The following FOXP1 variants were observed in gnomAD, a reference collection of about 807,000 sequenced individuals.
FOXP1 encodes forkhead box P1, also known as forkhead box protein P1.
FOXP1 carries 15 observed loss-of-function variants against 98.2 expected under a neutral mutation model. The observed-to-expected ratio is 0.15, with a 90% CI of 0.10 to 0.24. FOXP1 has a LOEUF of 0.24. Ranked by LOEUF, FOXP1 falls within the 10% of genes least tolerant of loss-of-function variation. The probability of loss-of-function intolerance (pLI) is 1.00; values close to 1 mark genes in which losing one functional copy is unlikely to be tolerated. For synonymous variants in FOXP1, 371 were observed against 314.5 expected (o/e 1.18, Z -1.90); for missense variants, 633 against 848.5 (o/e 0.75, Z 3.15).
chr3:71,077,989 C>T (rs1576618491), intron 7 of FOXP1, among the ~76,000 whole-genome samples: 1 of 152,120 alleles, frequency 6.6e-6, no homozygotes, highest in African/African-American at 2.4e-5. Flanking sequence ...CGCGCCATCA[C>T]GCTTGGCTAA....
At chr3:71,480,144 G>A (rs1364279276) in intron 3 of FOXP1, among the ~76,000 whole-genome samples, 4 of 152,116 alleles carry the variant, frequency 2.6e-5, no homozygotes, top group South Asian at 2.1e-4. Context: ...AGAGAAGATC[G>A]CGCCACTGCA....
intron 10 of FOXP1, among the ~76,000 whole-genome samples, chr3:71,045,392 T>C (rs971261393): frequency 2.0e-5 from 3 of 152,178 alleles, no homozygotes; most frequent in Non-Finnish European, 4.4e-5. Flanking sequence ...ACTATAACAA[T>C]GAACCTTAGT....
intron 13 of FOXP1, among the ~76,000 whole-genome samples, chr3:70,994,729 C>G (rs2041121761): frequency 6.6e-6 from 1 of 152,210 alleles, no homozygotes; most frequent in African/African-American, 2.4e-5. Flanking sequence ...ACCTCCACCC[C>G]CGTCGCCTGC....
In FOXP1 at chr3:71,226,515, G is replaced by T. The variant is rs543309897; in HGVS notation, c.-11-28123C>A. Among the ~76,000 whole-genome samples, 6 of 151,914 alleles carry T rather than the reference G, an allele frequency of 3.9e-5. No homozygotes were observed. The East Asian group carries it at 1.2e-3, about 30-fold the overall frequency. On this transcript the variant is annotated intron_variant, in intron 5 of 20. Coordinates refer to ENST00000649528, the MANE Select transcript of FOXP1 (RefSeq NM_001349338.3). ...TCTTCCAGGCACAAGTGATGGCAGG[G>T]TCTACTCTGGGGGTCCCTATTGCTT...
At chr3:71,074,186 C>T (rs571986569) in intron 7 of FOXP1, among the ~76,000 whole-genome samples, 1 of 152,100 alleles carries the variant, frequency 6.6e-6, no homozygotes, top group South Asian at 2.1e-4. Flanking sequence ...ATTATTGTGC[C>T]CACTTAACAG....
intron 17 of FOXP1, among the ~76,000 whole-genome samples, chr3:70,974,246 T>G (rs1230775017): frequency 6.6e-6 from 1 of 152,104 alleles, no homozygotes; most frequent in Non-Finnish European, 1.5e-5. Context: ...GTCATACACT[T>G]GATAGGACAA....
intron 3 of FOXP1, among the ~76,000 whole-genome samples, chr3:71,435,028 T>C (rs1398683218): frequency 1.3e-5 from 2 of 151,548 alleles, no homozygotes; most frequent in East Asian, 4.0e-4. Context: ...TTACGGCATG[T>C]CGTCAGTTCT....
chr3:71,126,538 C>A (rs1203844933), intron 6 of FOXP1, among the ~76,000 whole-genome samples: 1 of 150,762 alleles, frequency 6.6e-6, no homozygotes, highest in East Asian at 2.0e-4. Flanking sequence ...AAGAAATTTT[C>A]TTGGGCCAAG....
chr3:71,144,826 G>GTTGTA (rs1361234968), intron 6 of FOXP1, among the ~76,000 whole-genome samples: 6 of 152,268 alleles, frequency 3.9e-5, no homozygotes, highest in Admixed American at 2.6e-4. Flanking sequence ...GTGCCAACCT[G>GTTGTA]TTGTAATCAC....
At chr3:71,050,722 CCTT>C (rs1430640725) in intron 9 of FOXP1, among the ~76,000 whole-genome samples, 2 of 152,160 alleles carry the variant, frequency 1.3e-5, no homozygotes, top group African/African-American at 4.8e-5. Context: ...CCTTCATACC[CCTT>C]CTTTTTTCTG....
At chr3:70,963,808 C>T (rs1031096779) in intron 20 of FOXP1, among the ~76,000 whole-genome samples, 1 of 152,184 alleles carries the variant, frequency 6.6e-6, no homozygotes, top group Non-Finnish European at 1.5e-5. Context: ...TATGTGACCA[C>T]TTTCTAGTGT....
chr3:71,563,836 T>C (rs531905274), intron 2 of FOXP1, among the ~76,000 whole-genome samples: 1 of 152,288 alleles, frequency 6.6e-6, no homozygotes, highest in African/African-American at 2.4e-5. Context: ...CAACACTGTC[T>C]CAAAAAATGA....
chr3:71,397,008 GTATATATATATATATACATATATA>G (rs1560425015), intron 3 of FOXP1, among the ~76,000 whole-genome samples: 1,100 of 20,290 alleles, frequency 0.054, 261 homozygotes, highest in African/African-American at 0.17. Flanking sequence ...ATATATATGT[GTATATATATATATATACATATATA>G]TGTGTATATA....
At chr3:71,246,811 G>A (rs1041529258) in intron 5 of FOXP1, among the ~76,000 whole-genome samples, 9 of 152,134 alleles carry the variant, frequency 5.9e-5, no homozygotes, top group African/African-American at 7.2e-5. Flanking sequence ...ACTCTTCATC[G>A]TATAGACAAT....
chr3:71,147,783 C>T (rs930803836), intron 6 of FOXP1, among the ~76,000 whole-genome samples: 5 of 151,956 alleles, frequency 3.3e-5, no homozygotes, highest in Non-Finnish European at 7.4e-5. Context: ...CTAGCCTTAT[C>T]GGCATTTATT....
At chr3:71,453,920 C>T (rs2087188399) in intron 3 of FOXP1, among the ~76,000 whole-genome samples, 1 of 152,202 alleles carries the variant, frequency 6.6e-6, no homozygotes. Context: ...ATGAACCAGA[C>T]ATCTGTGTCT....
intron 6 of FOXP1, chr3:71,130,623 T>A: frequency 6.3e-7 from 1 of 1,598,272 alleles, no homozygotes; most frequent in African/African-American, 1.3e-5. Flanking sequence ...AAAAGATGTT[T>A]GAATAAACAG....
chr3:70,977,791 TTACAACTC>T (rs1213213898), intron 15 of FOXP1, 29 bp downstream of exon 15: 1 of 1,610,476 alleles, frequency 6.2e-7, no homozygotes, highest in East Asian at 2.2e-5. Context: ...GAATTGCAGA[TTACAACTC>T]TACGTGAGGC....
chr3:71,528,070 G>GT (rs1180938671), intron 2 of FOXP1, among the ~76,000 whole-genome samples: 3 of 152,108 alleles, frequency 2.0e-5, no homozygotes, highest in Non-Finnish European at 2.9e-5. Flanking sequence ...ATGGTTTATT[G>GT]TTTTTTTAAG....
Sources: gnomAD v4.1 joint callset for allele counts (sites outside exome capture counted in the v4.1 genomes callset) on GRCh38, gnomAD v4.1.1 for gene constraint, MANE v1.5 for transcripts, NCBI Gene and HGNC (gene_info 2026-07-23, HGNC 2026-07-21) for gene names.